DNAJB6: variants seen among roughly 807,000 people sequenced by gnomAD.
DNAJB6 encodes dnaJ homolog subfamily B member 6.
DNAJB6 carries 16 observed loss-of-function variants against 42.7 expected under a neutral mutation model. That is an observed-to-expected ratio of 0.37 (90% CI 0.25 to 0.57). The LOEUF is 0.57. Among genes scored for constraint, DNAJB6 ranks in the 20% least tolerant of loss-of-function variants. The pLI, the probability that DNAJB6 is intolerant of heterozygous loss-of-function variation, is 0.74. For synonymous variants in DNAJB6, 170 were observed against 163.5 expected (o/e 1.04, Z -0.30); for missense variants, 347 against 416.8 (o/e 0.83, Z 1.46).
intron 1 of DNAJB6, among the ~76,000 whole-genome samples, chr7:157,347,296 T>C (rs2116882703): frequency 6.6e-6 from 1 of 152,352 alleles, no homozygotes; most frequent in East Asian, 1.9e-4. Flanking sequence ...TCCCATAGCC[T>C]TGAGGGTTGG....
At position 157,369,813 on chromosome 7, in the gene DNAJB6, A is replaced by G. The variant is rs144226253; in HGVS notation, c.346+2330A>G. ...ATTATTAAACGAGCCCCTTCTTAACATCATTATTAAACAGGCCTTTCATAA... is the reference window on the plus strand; with the variant it reads ...ATTATTAAACGAGCCCCTTCTTAACGTCATTATTAAACAGGCCTTTCATAA... On this transcript the variant is annotated intron_variant, in intron 5 of 9. Transcript: ENST00000262177. Among the ~76,000 whole-genome samples, 162 of 147,700 alleles carry G rather than the reference A, an allele frequency of 1.1e-3. 4 individuals carry two copies. The East Asian group carries it at 0.026, about 23-fold the overall frequency.
intron 8 of DNAJB6, among the ~76,000 whole-genome samples, chr7:157,390,600 TG>T (rs1801293581): frequency 6.6e-6 from 1 of 152,124 alleles, no homozygotes; most frequent in South Asian, 2.1e-4. Flanking sequence ...GTTGCAGAAA[TG>T]TGGGGTGGAG....
intron 5 of DNAJB6, chr7:157,369,406 C>G (rs1257343974): frequency 4.4e-6 from 2 of 456,534 alleles, no homozygotes; most frequent in Non-Finnish European, 8.8e-6. Flanking sequence ...ATCGGTGATT[C>G]TCATGGTGAC....
chr7:157,393,181 G>A (rs962936403), intron 8 of DNAJB6, among the ~76,000 whole-genome samples: 23 of 151,938 alleles, frequency 1.5e-4, no homozygotes, highest in Non-Finnish European at 2.9e-4. Context: ...TCACTATTTT[G>A]GTCAGGCTGA....
intron 9 of DNAJB6, chr7:157,410,557 CTGAAG>C (rs1346005989): frequency 2.4e-5 from 4 of 164,642 alleles, no homozygotes; most frequent in African/African-American, 9.5e-5. Context: ...CGGATAGTCT[CTGAAG>C]TGAGTGCCCC....
At chr7:157,352,048 T>A (rs1466437234) in intron 1 of DNAJB6, among the ~76,000 whole-genome samples, 9 of 151,930 alleles carry the variant, frequency 5.9e-5, no homozygotes, top group African/African-American at 1.9e-4. Context: ...ATTTAAAATA[T>A]TTACTCCAAT....
chr7:157,355,558 T>G (rs924867476), intron 1 of DNAJB6, among the ~76,000 whole-genome samples: 3 of 152,110 alleles, frequency 2.0e-5, no homozygotes, highest in Admixed American at 6.6e-5. Context: ...CTGGGAAACG[T>G]CTGTGGGTGG....
At chr7:157,340,865 C>T (rs1798324566) in intron 1 of DNAJB6, among the ~76,000 whole-genome samples, 1 of 152,156 alleles carries the variant, frequency 6.6e-6, no homozygotes, top group Non-Finnish European at 1.5e-5. Flanking sequence ...GACGGTTTCA[C>T]CATGTTGGTC....
At chr7:157,415,866 C>T in intron 9 of DNAJB6, 150 bp from the exon 10 acceptor site, 1 of 1,416,708 alleles carries the variant, frequency 7.1e-7, no homozygotes, top group Non-Finnish European at 9.6e-7. Flanking sequence ...TGGAAAGCGC[C>T]CGTTTTGAGG....
At chr7:157,344,478 A>C (rs1037100538) in intron 1 of DNAJB6, among the ~76,000 whole-genome samples, 5 of 151,320 alleles carry the variant, frequency 3.3e-5, no homozygotes, top group African/African-American at 9.7e-5. Flanking sequence ...GTGCTGCTGC[A>C]CTCCAGCCTG....
chr7:157,338,594 A>G (rs1308170043), intron 1 of DNAJB6, among the ~76,000 whole-genome samples: 2 of 152,140 alleles, frequency 1.3e-5, no homozygotes, highest in African/African-American at 4.8e-5. Flanking sequence ...TCGGCCTCCC[A>G]AAGTGTTGGG....
At chr7:157,341,228 G>A (rs1398162274) in intron 1 of DNAJB6, among the ~76,000 whole-genome samples, 1 of 152,012 alleles carries the variant, frequency 6.6e-6, no homozygotes, top group Admixed American at 6.6e-5. Context: ...GGGTTCAAGC[G>A]ATTCTCCTGC....
chr7:157,338,336 CTT>C (rs111666619), intron 1 of DNAJB6, among the ~76,000 whole-genome samples: 3 of 145,328 alleles, frequency 2.1e-5, no homozygotes, highest in Non-Finnish European at 1.5e-5. Flanking sequence ...TCCAGACTTC[CTT>C]TTTTTTTTTT....
intron 8 of DNAJB6, among the ~76,000 whole-genome samples, chr7:157,390,124 A>G (rs1238273684): frequency 2.6e-5 from 4 of 152,228 alleles, no homozygotes; most frequent in African/African-American, 9.6e-5. Flanking sequence ...GCGGAAACCC[A>G]GATGGTGGTT....
At chr7:157,385,143 T>C in intron 7 of DNAJB6, 135 bp downstream of exon 7, 1 of 904,624 alleles carries the variant, frequency 1.1e-6, no homozygotes. Flanking sequence ...TCTTTTGCTC[T>C]CCAAATTCAT....
chr7:157,352,085 A>G (rs1364221030), intron 1 of DNAJB6, among the ~76,000 whole-genome samples: 2 of 151,828 alleles, frequency 1.3e-5, no homozygotes, highest in Non-Finnish European at 2.9e-5. Context: ...TATTCCCAGC[A>G]CTTTAGGAGG....
rs55793060 is a variant in DNAJB6, at chr7:157,404,466, C to CT, written c.692-5310dup. Among the ~76,000 whole-genome samples the CT allele has an allele frequency of 3.6e-3, 376 of 103,174 alleles. 1 individual carries two copies. Among genetic ancestry groups the CT allele is most frequent in the Non-Finnish European group, 4.6e-3 (254 of 54,976 alleles). The allele number at this position is 103,174 out of a possible 152,430, so 67.7% of individuals were successfully genotyped here. On this transcript the variant is annotated intron_variant, in intron 8 of 9. Transcript: ENST00000262177. The stretch of plus-strand genomic sequence containing the variant: ...AACAGCGCACTGGGCTAATTTTTGT[C>CT]TTTTTTTTTTTTTTTTTTTGATAGA...
intron 8 of DNAJB6, among the ~76,000 whole-genome samples, chr7:157,404,301 C>CT (rs546330523): frequency 2.3e-4 from 33 of 144,542 alleles, no homozygotes; most frequent in Admixed American, 4.2e-4. Flanking sequence ...TTTTCTTTTT[C>CT]TTTTTTTGAG....
chr7:157,389,233 TC>T (rs1466705898), intron 8 of DNAJB6, among the ~76,000 whole-genome samples: 1 of 152,240 alleles, frequency 6.6e-6, no homozygotes, highest in African/African-American at 2.4e-5. Context: ...CTTCTAGATA[TC>T]ATTTCTTTCC....
Sources: allele counts gnomAD v4.1 joint callset (sites outside exome capture counted in the v4.1 genomes callset), GRCh38; gene constraint gnomAD v4.1.1; transcripts MANE v1.5; gene names NCBI Gene and HGNC (gene_info 2026-07-23, HGNC 2026-07-21).